The following SIPA1L2 variants were observed in gnomAD, a reference collection of about 807,000 sequenced individuals.
The protein encoded by SIPA1L2 is signal induced proliferation associated 1 like 2.
In SIPA1L2, 56 loss-of-function variants were observed where a neutral mutation model predicts 163.9. The observed-to-expected ratio is 0.34, with a 90% CI of 0.28 to 0.43. The LOEUF is 0.43. SIPA1L2 is among the 20% of genes least tolerant of loss of function. The pLI is 1.00. For missense variants in SIPA1L2, 1,974 were observed against 2,193.5 expected (o/e 0.90, Z 2.00); for synonymous variants, 877 against 865.7 (o/e 1.01, Z -0.23).
intron 2 of SIPA1L2, among the ~76,000 whole-genome samples, chr1:232,539,987 T>C (rs1657546455): frequency 6.6e-6 from 1 of 152,132 alleles, no homozygotes; most frequent in African/African-American, 2.4e-5. Context: ...TGTAAAATAG[T>C]GTCCAGCTCC....
chr1:232,472,921 G>T (rs1248270368), intron 7 of SIPA1L2, among the ~76,000 whole-genome samples: 1 of 152,140 alleles, frequency 6.6e-6, no homozygotes, highest in East Asian at 1.9e-4. Context: ...TTTTCTACAG[G>T]CCAGTTAAAC....
At chr1:232,504,797 G>A (rs1666646876) in intron 3 of SIPA1L2, among the ~76,000 whole-genome samples, 1 of 152,068 alleles carries the variant, frequency 6.6e-6, no homozygotes, top group Non-Finnish European at 1.5e-5. Context: ...TACTTATGAG[G>A]AGGCACAACT....
intron 16 of SIPA1L2, 30 bp downstream of exon 16, chr1:232,432,217 T>C (rs1376682852): frequency 1.9e-6 from 3 of 1,590,526 alleles, no homozygotes; most frequent in Non-Finnish European, 2.6e-6. Flanking sequence ...TGAAAAATGC[T>C]GACCAGAGAA....
intron 6 of SIPA1L2, among the ~76,000 whole-genome samples, chr1:232,483,351 TC>T (rs1289817548): frequency 3.3e-5 from 5 of 152,058 alleles, no homozygotes; most frequent in Non-Finnish European, 2.9e-5. Context: ...CTGTTCCACC[TC>T]CCTGGTTAAC....
intron 1 of SIPA1L2, among the ~76,000 whole-genome samples, chr1:232,611,218 CCA>C (rs1662219871): frequency 6.6e-6 from 1 of 152,206 alleles, no homozygotes; most frequent in Admixed American, 6.5e-5. Context: ...ATGTGGAACT[CCA>C]GTTAAACCAT....
intron 2 of SIPA1L2, among the ~76,000 whole-genome samples, chr1:232,540,729 G>C (rs1573050908): frequency 6.6e-6 from 1 of 152,144 alleles, no homozygotes; most frequent in Non-Finnish European, 1.5e-5. Flanking sequence ...AAATGCAAGA[G>C]AGAGAGAGAA....
chr1:232,458,564 T>C lies in SIPA1L2; in HGVS notation c.3095+2323A>G, dbSNP rs181534507. Among the ~76,000 whole-genome samples, 80 of 152,336 alleles carry C rather than the reference T, an allele frequency of 5.3e-4. No individual in the cohort carries two copies. In the East Asian group the frequency reaches 0.014, roughly 28 times the overall value. ...AACTAAAAATAGGCAAGAAATGTTA[T>C]TTTTTAACCCAAAGGAAGCGCAAGG... On this transcript the variant is annotated intron_variant, in intron 10 of 22. Transcript: ENST00000674635.
At chr1:232,433,426 G>A (rs572742633) in intron 15 of SIPA1L2, among the ~76,000 whole-genome samples, 1 of 152,302 alleles carries the variant, frequency 6.6e-6, no homozygotes, top group Admixed American at 6.5e-5. Context: ...CAAGGGAGAA[G>A]AGAAGGGGTT....
At chr1:232,448,454 G>T (rs1572912301) in intron 10 of SIPA1L2, among the ~76,000 whole-genome samples, 1 of 152,290 alleles carries the variant, frequency 6.6e-6, no homozygotes, top group South Asian at 2.1e-4. Context: ...TTAAAAAGCA[G>T]AACTCCACTG....
chr1:232,499,876 G>A (rs1190302462), intron 3 of SIPA1L2, among the ~76,000 whole-genome samples: 2 of 152,174 alleles, frequency 1.3e-5, no homozygotes, highest in Admixed American at 6.5e-5. Context: ...TGATCATTTG[G>A]AAAACCCTAG....
chr1:232,431,387 TC>T (rs1353267623), intron 16 of SIPA1L2, among the ~76,000 whole-genome samples: 2 of 152,182 alleles, frequency 1.3e-5, no homozygotes, highest in Non-Finnish European at 1.5e-5. Context: ...GAAGGCAATA[TC>T]ATATGAGCTG....
In SIPA1L2 at chr1:232,464,899, G is replaced by A; in HGVS notation, c.2761C>T (p.Leu921Phe). Residue 921 changes from leucine to phenylalanine, a missense_variant, in exon 9 of 23, where the codon CTC becomes TTC. Physicochemically the swap from Leu to Phe is conservative, Grantham distance 22. Transcript: ENST00000674635. ...GCACAGTTGTCTACCGAGGACAGGA[G>A]GACACATTCTCCTCTTTCGTAAAAC... is the stretch of plus-strand genomic sequence containing the variant. ...KVFYERGECVLLSSVDNCAED... is the reference protein window; with the variant it reads ...KVFYERGECVFLSSVDNCAED... The A allele has an allele frequency of 3.1e-6, 5 of 1,613,990 alleles. No individual in the cohort carries two copies. The highest frequency in any genetic ancestry group is 4.2e-6 in the Non-Finnish European group (5 of 1,179,936).
At chr1:232,472,635 A>G (rs1377479142) in intron 7 of SIPA1L2, among the ~76,000 whole-genome samples, 1 of 152,234 alleles carries the variant, frequency 6.6e-6, no homozygotes, top group African/African-American at 2.4e-5. Flanking sequence ...GTTTTAATAC[A>G]TACAACAATC....
intron 3 of SIPA1L2, among the ~76,000 whole-genome samples, chr1:232,513,399 C>T (rs1667069733): frequency 6.6e-6 from 1 of 152,086 alleles, no homozygotes; most frequent in African/African-American, 2.4e-5. Flanking sequence ...TTTAACATGT[C>T]CAACACATAC....
chr1:232,532,761 G>T (rs968404586), intron 2 of SIPA1L2, among the ~76,000 whole-genome samples: 1 of 152,056 alleles, frequency 6.6e-6, no homozygotes, highest in Non-Finnish European at 1.5e-5. Context: ...ACCCAATCAC[G>T]GCAAATGCCC....
chr1:232,446,754 A>G (rs577435059), intron 10 of SIPA1L2, among the ~76,000 whole-genome samples: 1 of 152,294 alleles, frequency 6.6e-6, no homozygotes, highest in South Asian at 2.1e-4. Flanking sequence ...GAAAACTTCA[A>G]TGTCTCCTTA....
intron 14 of SIPA1L2, among the ~76,000 whole-genome samples, chr1:232,440,665 T>C (rs904333724): frequency 6.6e-6 from 1 of 152,238 alleles, no homozygotes; most frequent in African/African-American, 2.4e-5. Flanking sequence ...CACCTGAACA[T>C]TTTCAAAAAT....
chr1:232,441,859 G>C lies in SIPA1L2; in HGVS notation c.3447C>G (p.Ser1149=). Residue 1149 remains serine, a synonymous_variant, in exon 13 of 23, where the codon TCC becomes TCG. Coordinates refer to ENST00000674635, the MANE Select transcript of SIPA1L2 (RefSeq NM_020808.5). ...AGCCCTGGTGTTCGAGCAGTAGAGG[G>C]GACTGGCACCTGAAAAGAACACAGA... The part of the protein sequence containing the change: ...RPQVGYDGCQ[S]PLLLEHQGSG... The C allele has an allele frequency of 6.2e-7, 1 of 1,612,026 alleles. No homozygotes were observed. Among genetic ancestry groups the C allele is most frequent in the South Asian group, 1.1e-5 (1 of 90,484 alleles).
chr1:232,441,195 C>G, intron 14 of SIPA1L2, 96 bp downstream of exon 14: 1 of 892,790 alleles, frequency 1.1e-6, no homozygotes, highest in Non-Finnish European at 1.7e-6. Flanking sequence ...AGGTAATGTG[C>G]TCTTGAGCAT....
Sources: allele counts gnomAD v4.1 joint callset (sites outside exome capture counted in the v4.1 genomes callset), GRCh38; gene constraint gnomAD v4.1.1; transcripts MANE v1.5; gene names NCBI Gene and HGNC (gene_info 2026-07-23, HGNC 2026-07-21).